CEP170B: variants seen among roughly 807,000 people sequenced by gnomAD.
CEP170B encodes the protein centrosomal protein 170B, also known as centrosomal protein of 170 kDa protein B.
In CEP170B, 55 loss-of-function variants were observed where a neutral mutation model predicts 120.6. The observed-to-expected ratio is 0.46, with a 90% CI of 0.37 to 0.57. The LOEUF is 0.57. Ranked by LOEUF, CEP170B falls within the 20% of genes least tolerant of loss-of-function variation. The probability of loss-of-function intolerance (pLI) is 0.00; values close to 1 mark genes in which losing one functional copy is unlikely to be tolerated. For missense variants in CEP170B, 2,212 were observed against 2,253.3 expected, an observed-to-expected ratio of 0.98 and a Z score of 0.37; for synonymous variants, 1,033 against 954.5, an observed-to-expected ratio of 1.08 and a Z score of -1.52.
chr14:104,877,929 G>T lies in CEP170B; in HGVS notation c.240G>T (p.Thr80=), dbSNP rs373319320. The T allele has an allele frequency of 1.3e-6, 2 of 1,596,378 alleles. No homozygotes were observed. Residue 80 remains threonine (T), a synonymous_variant, in exon 4 of 19, where the codon ACG becomes ACT. Coordinates refer to ENST00000414716, the MANE Select transcript of CEP170B (RefSeq NM_001112726.3). The part of the protein sequence containing the change: ...DMRIPDQKYV[T]LKLNDVIRFG... The stretch of plus-strand genomic sequence containing the variant: ...GCATCCCGGACCAGAAGTACGTCAC[G>T]CTGAAGCTCAACGATGTCATCCGCT...
rs756896563 is a variant in CEP170B, at chr14:104,887,289, C to G, written c.3050C>G (p.Pro1017Arg). The change falls in exon 12 of 19, where the codon CCG (proline) becomes CGG (arginine). Residue 1017 changes from proline (P) to arginine (R), a missense_variant. Coordinates refer to ENST00000414716, the MANE Select transcript of CEP170B (RefSeq NM_001112726.3). ...GAGAGGCAGCATCACCCACTTGGCC[C>G]GACGGACATGGGCCGTGGAGAGCCG... ...SSERQHHPLGPTDMGRGEPVR... is the reference protein window; with the variant it reads ...SSERQHHPLGRTDMGRGEPVR... The G allele has an allele frequency of 2.5e-6, 4 of 1,609,236 alleles. No individual in the cohort carries two copies. Among genetic ancestry groups the G allele is most frequent in the Non-Finnish European group, 3.4e-6 (4 of 1,179,018 alleles).
In CEP170B at chr14:104,894,271, C is replaced by G. The variant is rs200042203; in HGVS notation, c.4272-14C>G. The G allele has an allele frequency of 1.2e-6, 2 of 1,603,932 alleles. No homozygotes were observed. The highest frequency in any genetic ancestry group is 1.7e-6 in the Non-Finnish European group (2 of 1,171,102). On this transcript the variant is annotated splice_polypyrimidine_tract_variant and intron_variant, in intron 16 of 18. Coordinates refer to ENST00000414716, the MANE Select transcript of CEP170B (RefSeq NM_001112726.3). ...CCTTGTCCCCCCATTTCTGCCTCCCCCTACCTCGGACAGGATCCTCTTTCA... is the reference window on the plus strand; with the variant it reads ...CCTTGTCCCCCCATTTCTGCCTCCCGCTACCTCGGACAGGATCCTCTTTCA...
chr14:104,869,569 A>G (rs959069805), intron 2 of CEP170B, among the ~76,000 whole-genome samples: 1 of 152,174 alleles, frequency 6.6e-6, no homozygotes, highest in African/African-American at 2.4e-5. Flanking sequence ...TGTGGCGGGA[A>G]GGTTTGTGTC....
chr14:104,864,991 G>C (rs2140598411), upstream of CEP170B, among the ~76,000 whole-genome samples: 1 of 151,712 alleles, frequency 6.6e-6, no homozygotes, highest in East Asian at 1.9e-4. This position sits in a 1 kb window ranked among gnomAD's most constrained non-coding sequence, Gnocchi z 5.9. Flanking sequence ...GGGAGGGCAT[G>C]GGGTCTGCGC....
At position 104,896,268 on chromosome 14, in the gene CEP170B, G is replaced by C. The variant is rs1466356644; in HGVS notation, c.*1310G>C. 4.0e-6 allele frequency: 1 copy of C among 249,702 alleles called. No homozygotes were observed. The highest frequency in any genetic ancestry group is 7.8e-6 in the Non-Finnish European group (1 of 128,656). The allele number at this position is 249,702 out of a possible 1,614,324, so 15.5% of individuals were successfully genotyped here. ...GTTTACTTTTAGCTGAGCTGGGGTT[G>C]GGTGTACGGGTTCTGTTCCTCTGAG... On this transcript the variant is annotated 3_prime_UTR_variant, in exon 19 of 19. Coordinates refer to ENST00000414716, the MANE Select transcript of CEP170B (RefSeq NM_001112726.3).
In CEP170B at chr14:104,893,628, G is replaced by A. The variant is rs200856973; in HGVS notation, c.4144G>A (p.Ala1382Thr). The part of the protein sequence containing the change: ...DQNMNDSCED[A>T]LANKTRPRNR... Reference sequence around the variant, plus strand: ...GAACATGAACGACAGCTGTGAGGACGCCCTGGCCAACAAGACGCGGCCTCG... The same window carrying A: ...GAACATGAACGACAGCTGTGAGGACACCCTGGCCAACAAGACGCGGCCTCG... Residue 1382 changes from alanine (A) to threonine (T), a missense_variant, in exon 15 of 19, where the codon GCC becomes ACC. Physicochemically the swap from Ala to Thr is moderately conservative, Grantham distance 58. This residue lies in a region of CEP170B where 2,166 missense variants were observed against 2,166.7 expected (regional missense o/e 1.00). Transcript: ENST00000414716. 2.6e-5 allele frequency: 41 copies of A among 1,596,192 alleles called. No homozygotes were observed. The highest frequency in any genetic ancestry group is 2.5e-4 in the South Asian group (22 of 88,122).
intron 12 of CEP170B, among the ~76,000 whole-genome samples, 163 bp downstream of exon 12, chr14:104,888,141 A>G (rs1332282368): frequency 2.0e-5 from 3 of 152,322 alleles, no homozygotes; most frequent in African/African-American, 4.8e-5. Flanking sequence ...ACTCACGTGC[A>G]CACACACACG....
At chr14:104,890,341 AGTGTGTGGATGGATGG>A (rs1896757866) in intron 13 of CEP170B, among the ~76,000 whole-genome samples, 2 of 30,202 alleles carry the variant, frequency 6.6e-5, no homozygotes. Context: ...TGGATGGATG[AGTGTGTGGATGGATGG>A]ATGGATGAGT....
chr14:104,865,187 TGCGGCGCGGCCGGGCGGGG>T (rs1895134498), upstream of CEP170B: 2 of 72,282 alleles, frequency 2.8e-5, no homozygotes, highest in Non-Finnish European at 5.3e-5. This position sits in a 1 kb window ranked among gnomAD's most constrained non-coding sequence, Gnocchi z 6.7. Context: ...CGGCGCGGGG[TGCGGCGCGGCCGGGCGGGG>T]GCGGGGCGGG....
chr14:104,883,796 C>T (rs144916387), intron 8 of CEP170B, 35 bp from the exon 9 acceptor site: 40,468 of 1,487,810 alleles, frequency 0.027, 608 homozygotes, highest in Middle Eastern at 0.048. Context: ...TCCTTTCTCT[C>T]GGCCTGACAA....
chr14:104,870,997 C>T lies in CEP170B; in HGVS notation c.105+2442C>T, dbSNP rs1025516891. On this transcript the variant is annotated intron_variant, in intron 2 of 18. Coordinates refer to ENST00000414716, the MANE Select transcript of CEP170B (RefSeq NM_001112726.3). This position sits in a 1 kb window ranked among gnomAD's most constrained non-coding sequence, Gnocchi z 4.1. ...CTGTGCACCTGCCCTAGAGGCTTCT[C>T]ACCCCCACCCTACAGCCCCATGTCC... Among the ~76,000 whole-genome samples, 1 of 152,038 alleles carries T rather than the reference C, an allele frequency of 6.6e-6. No individual in the cohort carries two copies. Among genetic ancestry groups the T allele is most frequent in the African/African-American group, 2.4e-5 (1 of 41,360 alleles).
chr14:104,881,675 C>T (rs1244636782), intron 6 of CEP170B, among the ~76,000 whole-genome samples: 1 of 152,164 alleles, frequency 6.6e-6, no homozygotes, highest in African/African-American at 2.4e-5. Context: ...TCCTTGGCTC[C>T]GTTAGAGCGA....
intron 12 of CEP170B, among the ~76,000 whole-genome samples, chr14:104,888,625 G>GGGCCC (rs1896639940): frequency 6.6e-6 from 1 of 152,232 alleles, no homozygotes; most frequent in Admixed American, 6.5e-5. Context: ...CTGCAGAGCG[G>GGGCCC]GGCCCACCCC....
At chr14:104,889,948 GGATGAATGGATGGATGGATA>G in intron 13 of CEP170B, among the ~76,000 whole-genome samples, 190 bp downstream of exon 13, 5 of 70,108 alleles carry the variant, frequency 7.1e-5, no homozygotes, top group Non-Finnish European at 1.3e-4. Flanking sequence ...ATGGATGGAT[GGATGAATGGATGGATGGATA>G]GGAGGGTGGG....
chr14:104,885,065 T>TG (rs1439363892), intron 9 of CEP170B, among the ~76,000 whole-genome samples: 16 of 101,228 alleles, frequency 1.6e-4, no homozygotes, highest in African/African-American at 5.7e-4. Context: ...GTGGAGGCGA[T>TG]GCCGGGGGTG....
At chr14:104,874,451 G>A (rs952809742) in intron 2 of CEP170B, among the ~76,000 whole-genome samples, 1 of 151,962 alleles carries the variant, frequency 6.6e-6, no homozygotes, top group East Asian at 1.9e-4. Flanking sequence ...ACCAGGATCC[G>A]CCTTCCCAGG....
In CEP170B at chr14:104,872,479, G is replaced by GCGTGTGCCGTGTGTGTGC. The variant is rs1555390697; in HGVS notation, c.106-3771_106-3770insCCGTGTGTGTGCCGTGTG. The stretch of plus-strand genomic sequence containing the variant: ...GTGCGTGTGGGTGTGCCGTGTGTGT[G>GCGTGTGCCGTGTGTGTGC]CGTGTGTGCCGTGTGTGTGTGCGTG... On this transcript the variant is annotated intron_variant, in intron 2 of 18. Transcript: ENST00000414716. Among the ~76,000 whole-genome samples the GCGTGTGCCGTGTGTGTGC allele has an allele frequency of 4.2e-5, 4 of 95,966 alleles. 1 individual carries two copies. The highest frequency in any genetic ancestry group is 1.6e-4 in the African/African-American group (4 of 24,736). 63.0% of individuals were successfully genotyped at this position (95,966 alleles called of 152,430 possible).
At chr14:104,878,212 T>C (rs930724981) in intron 4 of CEP170B, among the ~76,000 whole-genome samples, 2 of 151,876 alleles carry the variant, frequency 1.3e-5, no homozygotes, top group East Asian at 3.9e-4. Context: ...CAGCCTGAGG[T>C]CACATGGGGC....
In CEP170B at chr14:104,880,437, C is replaced by T. The variant is rs1896085718; in HGVS notation, c.472+12C>T. Reference sequence around the variant, plus strand: ...GAGACCAGGAACAGGTAGGCCCAGGCAGTGCGGATGGGGTGAGCACACAGG... The same window carrying T: ...GAGACCAGGAACAGGTAGGCCCAGGTAGTGCGGATGGGGTGAGCACACAGG... On this transcript the variant is annotated intron_variant, in intron 6 of 18. Transcript: ENST00000414716. 3 of 1,610,282 alleles carry T rather than the reference C, an allele frequency of 1.9e-6. No homozygotes were observed. In the African/African-American group the frequency reaches 4.0e-5, roughly 21 times the overall value.
Sources: gnomAD v4.1 joint callset for allele counts (sites outside exome capture counted in the v4.1 genomes callset) on GRCh38, gnomAD v4.1.1 for gene constraint, gnomAD v4.1.1 regional missense constraint, Gnocchi (gnomAD v3.1) non-coding constraint, MANE v1.5 for transcripts, NCBI Gene and HGNC (gene_info 2026-07-23, HGNC 2026-07-21) for gene names.